Variants in QTMAN observed in about 807,000 individuals in gnomAD.
QTMAN encodes the protein tRNA-queuosine alpha-mannosyltransferase.
chr2:144,234,163 T>C, the QTMAN span, among the ~76,000 whole-genome samples: 1 of 152,136 alleles, frequency 6.6e-6, no homozygotes, highest in African/African-American at 2.4e-5. Flanking sequence ...AAAGAGGTGA[T>C]AAGTGATCAA....
the QTMAN span, among the ~76,000 whole-genome samples, chr2:144,075,298 G>GTT: frequency 6.6e-6 from 1 of 152,168 alleles, no homozygotes; most frequent in Non-Finnish European, 1.5e-5. Context: ...AATCTGGGTC[G>GTT]TAACACGCAC....
chr2:144,014,544 AC>A, the QTMAN span, among the ~76,000 whole-genome samples: 15 of 152,106 alleles, frequency 9.9e-5, no homozygotes, highest in African/African-American at 2.9e-4. Context: ...AGCAAACCCT[AC>A]TTATTGGCCT....
the QTMAN span, among the ~76,000 whole-genome samples, chr2:144,218,880 C>A: frequency 1.8e-5 from 2 of 110,812 alleles, no homozygotes; most frequent in Admixed American, 2.2e-4. Flanking sequence ...CATAATCTCA[C>A]AATTCAATTT....
the QTMAN span, among the ~76,000 whole-genome samples, chr2:144,244,646 T>C: frequency 6.6e-6 from 1 of 152,244 alleles, no homozygotes; most frequent in South Asian, 2.1e-4. Context: ...AATTCGGCTA[T>C]TCTCATTAAA....
chr2:144,231,843 GGTGTGTGTGT>G, the QTMAN span, among the ~76,000 whole-genome samples: 3,232 of 138,418 alleles, frequency 0.023, 40 homozygotes, highest in African/African-American at 0.029. Context: ...GAATGAAAGA[GGTGTGTGTGT>G]GTGTGTGTGT....
chr2:144,113,082 C>A, the QTMAN span, among the ~76,000 whole-genome samples: 12 of 152,048 alleles, frequency 7.9e-5, no homozygotes, highest in African/African-American at 2.9e-4. Context: ...ACTCATCATA[C>A]GAAGAACCAC....
At chr2:144,104,481 G>A in the QTMAN span, among the ~76,000 whole-genome samples, 1 of 152,140 alleles carries the variant, frequency 6.6e-6, no homozygotes, top group Non-Finnish European at 1.5e-5. Context: ...GGCTTGGAGG[G>A]TCCCACGCTC....
chr2:144,053,738 G>A, the QTMAN span, among the ~76,000 whole-genome samples: 192 of 152,256 alleles, frequency 1.3e-3, 1 homozygote, highest in African/African-American at 4.4e-3. Flanking sequence ...GCTTCTGGAC[G>A]TCATTTAGCC....
the QTMAN span, among the ~76,000 whole-genome samples, chr2:144,264,585 A>G: frequency 1.3e-5 from 2 of 152,206 alleles, no homozygotes; most frequent in African/African-American, 4.8e-5. Flanking sequence ...ATATTTAAAC[A>G]TATCTAAAAG....
chr2:144,133,146 T>A, the QTMAN span, among the ~76,000 whole-genome samples: 4 of 53,250 alleles, frequency 7.5e-5, no homozygotes, highest in African/African-American at 2.7e-4. Context: ...TATATATATA[T>A]ATATAATATA....
chr2:144,034,797 T>C, the QTMAN span, among the ~76,000 whole-genome samples: 1 of 152,190 alleles, frequency 6.6e-6, no homozygotes, highest in Non-Finnish European at 1.5e-5. Flanking sequence ...CTGTTTTATT[T>C]TGTCATGTTT....
chr2:144,331,917 C>G, the QTMAN span, among the ~76,000 whole-genome samples: 1 of 152,190 alleles, frequency 6.6e-6, no homozygotes, highest in Non-Finnish European at 1.5e-5. Flanking sequence ...AGCTTTCCGT[C>G]AGGAAGGCCT....
chr2:143,964,157 C>T, the QTMAN span: 12 of 152,102 alleles, frequency 7.9e-5, no homozygotes, highest in South Asian at 2.5e-3. Flanking sequence ...ATTATATAAA[C>T]ATTTTTGTTT....
the QTMAN span, among the ~76,000 whole-genome samples, chr2:144,051,080 TA>T: frequency 6.6e-6 from 1 of 152,194 alleles, no homozygotes; most frequent in Non-Finnish European, 1.5e-5. Flanking sequence ...TTATATTGAG[TA>T]TGAAAATACC....
chr2:144,211,897 T>G, the QTMAN span, among the ~76,000 whole-genome samples: 1 of 152,180 alleles, frequency 6.6e-6, no homozygotes, highest in Admixed American at 6.5e-5. Context: ...AAGAAGCATG[T>G]AGGGTGAATA....
chr2:144,327,253 A>G, the QTMAN span, among the ~76,000 whole-genome samples: 2 of 151,980 alleles, frequency 1.3e-5, no homozygotes, highest in African/African-American at 2.4e-5. Context: ...CCCACCCCAC[A>G]CGTCTCTTCA....
At chr2:144,159,170 GGAGT>G in the QTMAN span, among the ~76,000 whole-genome samples, 1 of 151,996 alleles carries the variant, frequency 6.6e-6, no homozygotes, top group Admixed American at 6.6e-5. Context: ...CATCTTTCTA[GGAGT>G]AAGTAAATTT....
the QTMAN span, among the ~76,000 whole-genome samples, chr2:144,241,448 T>G: frequency 6.6e-6 from 1 of 152,248 alleles, no homozygotes; most frequent in Non-Finnish European, 1.5e-5. Context: ...CAATAAGCAC[T>G]TTATATACAT....
At chr2:144,293,256 A>G in the QTMAN span, among the ~76,000 whole-genome samples, 1 of 152,236 alleles carries the variant, frequency 6.6e-6, no homozygotes, top group African/African-American at 2.4e-5. Flanking sequence ...AGATACAAGC[A>G]AGGCCATAGA....
Sources: gnomAD v4.1 joint callset for allele counts (sites outside exome capture counted in the v4.1 genomes callset) on GRCh38, gnomAD v4.1.1 for gene constraint, MANE v1.5 for transcripts, NCBI Gene and HGNC (gene_info 2026-07-23, HGNC 2026-07-21) for gene names.